Variants in DZANK1 observed in about 807,000 individuals in gnomAD.
The protein encoded by DZANK1 is double zinc ribbon and ankyrin repeat domains 1.
In DZANK1, 91 loss-of-function variants were observed where a neutral mutation model predicts 94.5. The observed-to-expected ratio is 0.96, with a 90% CI of 0.81 to 1.15. DZANK1 has a LOEUF of 1.15. Among genes scored for constraint, DZANK1 ranks in the 50% most tolerant of loss-of-function variants. The pLI, the probability that DZANK1 is intolerant of heterozygous loss-of-function variation, is 0.00. For missense variants in DZANK1, 903 were observed against 916.4 expected (o/e 0.99, Z 0.19); for synonymous variants, 312 against 325.3 (o/e 0.96, Z 0.44).
At chr20:18,428,510 G>C (rs2058151895) in intron 9 of DZANK1, 1 of 152,194 alleles carries the variant, frequency 6.6e-6, no homozygotes, top group Non-Finnish European at 1.5e-5. Context: ...TCTAAGCCAG[G>C]ACCCTGGGGT....
At position 18,412,689 on chromosome 20, in the gene DZANK1, C is replaced by T; in HGVS notation, c.1389G>A (p.Met463Ile). 1 of 1,613,344 alleles carries T rather than the reference C, an allele frequency of 6.2e-7. No homozygotes were observed. Among genetic ancestry groups the T allele is most frequent in the African/African-American group, 1.3e-5 (1 of 75,010 alleles). The change falls in exon 13 of 21, where the codon ATG becomes ATA. Residue 463 changes from methionine to isoleucine, a missense_variant. Met to Ile is a conservative substitution (Grantham distance 10, BLOSUM62 1). Transcript: ENST00000262547. ...CTGTCAGGAGGGGTTTATGGTCACTCATTTTCTCCTGCCTCTGCTTTTGAG... is the reference window on the plus strand; with the variant it reads ...CTGTCAGGAGGGGTTTATGGTCACTTATTTTCTCCTGCCTCTGCTTTTGAG...
chr20:18,421,802 C>G (rs1480737372), intron 10 of DZANK1, among the ~76,000 whole-genome samples: 2 of 152,204 alleles, frequency 1.3e-5, no homozygotes, highest in Admixed American at 6.5e-5. Context: ...CTCATCCACC[C>G]TGGAGCATCA....
At chr20:18,398,715 G>T in intron 13 of DZANK1, 89 bp from the exon 14 acceptor site, 1 of 1,287,184 alleles carries the variant, frequency 7.8e-7, no homozygotes, top group Non-Finnish European at 1.1e-6. Context: ...TTCTTAGAGA[G>T]GTTAATTTCC....
chr20:18,431,871 T>C (rs955564032), intron 9 of DZANK1, among the ~76,000 whole-genome samples: 3 of 152,226 alleles, frequency 2.0e-5, no homozygotes, highest in Non-Finnish European at 2.9e-5. Flanking sequence ...CTAAATCTCA[T>C]CTTTGAATTC....
intron 9 of DZANK1, 134 bp from the exon 10 acceptor site, chr20:18,427,293 GT>G: frequency 1.9e-6 from 1 of 537,102 alleles, no homozygotes; most frequent in Non-Finnish European, 3.2e-6. Flanking sequence ...TACTGGATTG[GT>G]TTAGGAGTTA....
intron 8 of DZANK1, among the ~76,000 whole-genome samples, chr20:18,438,590 G>A (rs1000800955): frequency 3.3e-5 from 5 of 152,184 alleles, no homozygotes; most frequent in Admixed American, 2.6e-4. Flanking sequence ...CATAGACAAA[G>A]AGAGACATTT....
chr20:18,443,499 T>G, intron 7 of DZANK1, 35 bp from the exon 8 acceptor site: 1 of 1,216,278 alleles, frequency 8.2e-7, no homozygotes, highest in Non-Finnish European at 1.1e-6. Flanking sequence ...GGCCATGTTC[T>G]GGTGGGCCCA....
intron 10 of DZANK1, among the ~76,000 whole-genome samples, chr20:18,423,212 G>A (rs538393999): frequency 1.3e-5 from 2 of 152,092 alleles, no homozygotes; most frequent in Admixed American, 6.5e-5. Flanking sequence ...ATACCATCTA[G>A]GTTTGTGAAA....
chr20:18,394,181 T>C, intron 16 of DZANK1, 73 bp downstream of exon 16: 1 of 1,311,406 alleles, frequency 7.6e-7, no homozygotes, highest in Non-Finnish European at 1.1e-6. Flanking sequence ...CTCTTAGCAG[T>C]TCTCTGCTAT....
rs762106378 is a variant in DZANK1, at chr20:18,455,314, T to C, written c.311A>G (p.Tyr104Cys). The change falls in exon 4 of 21, where the codon TAT (tyrosine) becomes TGT (cysteine). Residue 104 changes from tyrosine to cysteine, a missense_variant. Physicochemically the swap from Tyr to Cys is radical, Grantham distance 194. Coordinates refer to ENST00000262547, the Ensembl canonical transcript of DZANK1. ...AGGAGAGACTATATTTGGTGGTTCA[T>C]AGTCTACGTGAAACACCTTTGTCAC... 6.3e-5 allele frequency: 101 copies of C among 1,609,322 alleles called. No homozygotes were observed. The highest frequency in any genetic ancestry group is 8.1e-5 in the Non-Finnish European group (95 of 1,177,588).
intron 6 of DZANK1, chr20:18,451,916 T>C (rs1468480739): frequency 1.9e-6 from 1 of 518,800 alleles, no homozygotes; most frequent in East Asian, 5.4e-5. Context: ...ATCTCCATAC[T>C]GTGGCCAAAC....
chr20:18,422,683 C>T (rs187389705), intron 10 of DZANK1, among the ~76,000 whole-genome samples: 2 of 152,128 alleles, frequency 1.3e-5, no homozygotes, highest in Admixed American at 6.5e-5. Flanking sequence ...ATAAATATTC[C>T]AAAGTCCAGA....
At chr20:18,434,888 TAA>T (rs1400864037) in intron 8 of DZANK1, among the ~76,000 whole-genome samples, 9 of 152,150 alleles carry the variant, frequency 5.9e-5, no homozygotes, top group Non-Finnish European at 1.2e-4. Flanking sequence ...TAGTCTGAGA[TAA>T]TGAGCCTGTT....
intron 16 of DZANK1, 39 bp from the exon 17 acceptor site, chr20:18,393,850 C>A (rs1312410326): frequency 7.8e-7 from 1 of 1,282,496 alleles, no homozygotes; most frequent in Non-Finnish European, 1.1e-6. Context: ...GATGCCCCTC[C>A]CCCAACTCCC....
At chr20:18,433,753 C>A in exon 9 of DZANK1, 2 of 1,613,942 alleles carry the variant, frequency 1.2e-6, no homozygotes, top group Non-Finnish European at 1.7e-6. Flanking sequence ...CTGCATTCTG[C>A]ACACAAGCCC....
At chr20:18,450,000 C>A (rs756633482) in intron 6 of DZANK1, among the ~76,000 whole-genome samples, 2 of 151,440 alleles carry the variant, frequency 1.3e-5, no homozygotes, top group Non-Finnish European at 2.9e-5. Context: ...ATCGCTTGAA[C>A]CCGGGAAGCA....
At chr20:18,435,085 C>A (rs2058464579) in intron 8 of DZANK1, among the ~76,000 whole-genome samples, 3 of 152,180 alleles carry the variant, frequency 2.0e-5, no homozygotes, top group African/African-American at 4.8e-5. Context: ...ATGGGAACTA[C>A]ACATAGAGAA....
chr20:18,448,398 G>A (rs1034452890), intron 7 of DZANK1, among the ~76,000 whole-genome samples: 3 of 152,064 alleles, frequency 2.0e-5, no homozygotes, highest in African/African-American at 7.2e-5. Flanking sequence ...AAAAGGAAGG[G>A]GTTACCAAAT....
At chr20:18,449,052 G>A (rs374587186) in exon 7 of DZANK1, 20 of 1,613,592 alleles carry the variant, frequency 1.2e-5, no homozygotes, top group Middle Eastern at 1.6e-4. Flanking sequence ...GACCGCTTAC[G>A]TGTGCAAAAC....
Sources: allele counts gnomAD v4.1 joint callset (sites outside exome capture counted in the v4.1 genomes callset), GRCh38; gene constraint gnomAD v4.1.1; transcripts MANE v1.5; gene names NCBI Gene and HGNC (gene_info 2026-07-23, HGNC 2026-07-21).